The following LRIT3 variants were observed in gnomAD, a reference collection of about 807,000 sequenced individuals.
LRIT3 encodes leucine rich repeat, Ig-like and transmembrane domains 3, also known as leucine-rich repeat, immunoglobulin-like domain and transmembrane domain-containing protein 3.
In LRIT3, 14 loss-of-function variants were observed where a neutral mutation model predicts 22.6. That is an observed-to-expected ratio of 0.62 (90% CI 0.41 to 0.97). LRIT3 has a LOEUF of 0.97. Ranked by LOEUF, LRIT3 falls within the 50% of genes least tolerant of loss-of-function variation. The pLI is 0.00. For missense variants in LRIT3, 783 were observed against 803.0 expected (o/e 0.98, Z 0.30); for synonymous variants, 306 against 304.5 (o/e 1.01, Z -0.05).
intron 2 of LRIT3, among the ~76,000 whole-genome samples, chr4:109,853,428 GT>G (rs1447552240): frequency 2.0e-5 from 3 of 152,044 alleles, no homozygotes; most frequent in Non-Finnish European, 4.4e-5. Context: ...TTTTGATGGA[GT>G]TGTTTGTTTT....
At chr4:109,858,327 C>T (rs1414361650) in intron 2 of LRIT3, among the ~76,000 whole-genome samples, 1 of 152,120 alleles carries the variant, frequency 6.6e-6, no homozygotes, top group African/African-American at 2.4e-5. Flanking sequence ...ACAAGTTGTT[C>T]AGGATGGCTG....
At chr4:109,858,805 C>G (rs376142502) in intron 2 of LRIT3, among the ~76,000 whole-genome samples, 20 of 152,110 alleles carry the variant, frequency 1.3e-4, no homozygotes, top group Admixed American at 7.9e-4. Context: ...TCTACAATAG[C>G]TTGGCCTTGT....
At chr4:109,857,037 A>G (rs1734422089) in intron 2 of LRIT3, among the ~76,000 whole-genome samples, 1 of 152,194 alleles carries the variant, frequency 6.6e-6, no homozygotes. Context: ...CAGGGAGCCA[A>G]CTACCTTCTC....
rs544549800 is a variant in LRIT3 at position 109,859,591 on chromosome 4, C to G, written c.589+7615C>G. 2.0e-5 allele frequency among the ~76,000 whole-genome samples: 3 copies of G among 152,252 alleles called. No individual in the cohort carries two copies. In the East Asian group the frequency reaches 5.8e-4, roughly 29 times the overall value. On this transcript the variant is annotated intron_variant, in intron 2 of 3. Transcript: ENST00000594814. ...AGAAGGAAGTATGCCCTAAAGAGGCCTAGAAGAGCCATGGCAAGATGAGGG... is the reference window on the plus strand; with the variant it reads ...AGAAGGAAGTATGCCCTAAAGAGGCGTAGAAGAGCCATGGCAAGATGAGGG...
chr4:109,850,346 C>T (rs183048097), intron 1 of LRIT3, among the ~76,000 whole-genome samples: 2 of 148,680 alleles, frequency 1.3e-5, no homozygotes, highest in African/African-American at 2.5e-5. Context: ...ACACATGGGA[C>T]AGTGTTGTCT....
chr4:109,855,966 T>TG (rs1734391377), intron 2 of LRIT3, among the ~76,000 whole-genome samples: 3 of 152,164 alleles, frequency 2.0e-5, no homozygotes, highest in Admixed American at 2.0e-4. Context: ...AGGGCGTTTA[T>TG]AGCCCTATCT....
intron 2 of LRIT3, chr4:109,865,256 A>C (rs1343819953): frequency 1.3e-6 from 2 of 1,578,288 alleles, no homozygotes; most frequent in Admixed American, 3.5e-5. Context: ...CTCATCAGGA[A>C]CCCAGGCACA....
chr4:109,852,650 A>G (rs1734301782), intron 2 of LRIT3, among the ~76,000 whole-genome samples: 2 of 152,178 alleles, frequency 1.3e-5, no homozygotes, highest in Non-Finnish European at 2.9e-5. Flanking sequence ...TAGGTTTGTT[A>G]CATAGGTATA....
intron 1 of LRIT3, among the ~76,000 whole-genome samples, chr4:109,850,408 TTCCTTCCTTCCTTC>T (rs1213756277): frequency 4.0e-3 from 30 of 7,550 alleles, no homozygotes; most frequent in African/African-American, 0.017. Flanking sequence ...CCTTCCTTCC[TTCCTTCCTTCCTTC>T]CTTTCTTTCT....
chr4:109,848,292 G>A lies in LRIT3; in HGVS notation c.91G>A (p.Gly31Ser), dbSNP rs747506214. ...TTCACAGTGCACCTGTGATTATCAC[G>A]GCAGAAATGACGGCTCAGGATCAAG... ...CPSQCTCDYH[G>S]RNDGSGSRLV... Residue 31 changes from glycine (G) to serine (S), a missense_variant, in exon 1 of 4, where the codon GGC becomes AGC. By Grantham distance (56) the Gly-to-Ser change is moderately conservative (BLOSUM62 0). Transcript: ENST00000594814. The A allele has an allele frequency of 2.2e-5, 27 of 1,231,728 alleles. No individual in the cohort carries two copies. Among genetic ancestry groups the A allele is most frequent in the East Asian group, 3.2e-5 (1 of 31,712 alleles). The allele number at this position is 1,231,728 out of a possible 1,614,324, so 76.3% of individuals were successfully genotyped here.
Position 109,871,138 on chromosome 4 carries a change from A to G in LRIT3, c.*349A>G, listed in dbSNP as rs1264786219. The G allele has an allele frequency of 1.7e-5, 3 of 172,542 alleles. No individual in the cohort carries two copies. The highest frequency in any genetic ancestry group is 1.2e-4 in the Admixed American group (2 of 16,598). 10.7% of individuals were successfully genotyped at this position (172,542 alleles called of 1,614,324 possible). The stretch of plus-strand genomic sequence containing the variant: ...ATAGTTTTTTGAGTCATGAGGAAAC[A>G]TTAGCAAAACCAGCTAAGCCTTGAT... On this transcript the variant is annotated 3_prime_UTR_variant, in exon 4 of 4. Transcript: ENST00000594814.
At chr4:109,863,422 T>C (rs375247066) in intron 2 of LRIT3, among the ~76,000 whole-genome samples, 1 of 152,206 alleles carries the variant, frequency 6.6e-6, no homozygotes, top group Admixed American at 6.5e-5. Context: ...ACCTATCCCA[T>C]GCTTTTGTGA....
chr4:109,861,283 G>A (rs1734539195), intron 2 of LRIT3, among the ~76,000 whole-genome samples: 1 of 151,792 alleles, frequency 6.6e-6, no homozygotes, highest in Admixed American at 6.6e-5. Flanking sequence ...GGAGAAACCT[G>A]GGAGGCAGAT....
At chr4:109,863,878 G>A (rs1488901909) in intron 2 of LRIT3, among the ~76,000 whole-genome samples, 2 of 152,112 alleles carry the variant, frequency 1.3e-5, no homozygotes, top group African/African-American at 2.4e-5. Context: ...CCTAAAGTAG[G>A]GTCAAATCTC....
chr4:109,868,551 T>TAAA (rs11387409), intron 3 of LRIT3, among the ~76,000 whole-genome samples: 5 of 122,316 alleles, frequency 4.1e-5, no homozygotes, highest in East Asian at 4.7e-4. Flanking sequence ...AAGACTGTCT[T>TAAA]AAAAAAAAAA....
chr4:109,867,110 G>A (rs1179793077), intron 2 of LRIT3, among the ~76,000 whole-genome samples: 1 of 152,042 alleles, frequency 6.6e-6, no homozygotes, highest in Non-Finnish European at 1.5e-5. Flanking sequence ...AGGTGTCTCT[G>A]AGCACCCTAT....
rs547729405 is a variant in LRIT3, at chr4:109,860,496, C to G, written c.590-7145C>G. 6.6e-5 allele frequency among the ~76,000 whole-genome samples: 10 copies of G among 152,274 alleles called. No individual in the cohort carries two copies. The South Asian group carries it at 2.1e-3, about 32-fold the overall frequency. ...TTCTATAGCTGGCAGAGTCAAGTTT[C>G]AAATTTACAGTTAATCTCCAAAGAC... On this transcript the variant is annotated intron_variant, in intron 2 of 3. Transcript: ENST00000594814.
intron 2 of LRIT3, among the ~76,000 whole-genome samples, chr4:109,854,837 T>G (rs1246354825): frequency 3.9e-5 from 6 of 152,170 alleles, no homozygotes; most frequent in Non-Finnish European, 5.9e-5. Context: ...ATCATGTGCT[T>G]TTTGTCACTG....
chr4:109,868,292 T>C (rs1409998497), intron 3 of LRIT3, among the ~76,000 whole-genome samples: 3 of 152,144 alleles, frequency 2.0e-5, no homozygotes, highest in Non-Finnish European at 4.4e-5. Flanking sequence ...TTTTGCTGGT[T>C]GGGTGCGGTG....
Sources: gnomAD v4.1 joint callset for allele counts (sites outside exome capture counted in the v4.1 genomes callset) on GRCh38, gnomAD v4.1.1 for gene constraint, MANE v1.5 for transcripts, NCBI Gene and HGNC (gene_info 2026-07-23, HGNC 2026-07-21) for gene names.